GNAI3: variants seen among roughly 807,000 people sequenced by gnomAD.
GNAI3 encodes G protein subunit alpha i3.
A neutral mutation model predicts 41.8 loss-of-function variants in GNAI3; 12 were observed. The ratio of observed to expected loss-of-function variants is 0.29; its 90% CI spans 0.18 to 0.47. The LOEUF (loss-of-function observed/expected upper bound fraction) is 0.47, where lower values mean the gene tolerates loss of function less well. GNAI3 is among the 20% of genes least tolerant of loss of function. GNAI3 has a pLI of 1.00. For synonymous variants in GNAI3, 132 were observed against 146.5 expected (o/e 0.90, Z 0.71); for missense variants, 360 against 429.6 (o/e 0.84, Z 1.43).
chr1:109,576,684 A>C (rs967591588), intron 3 of GNAI3, among the ~76,000 whole-genome samples: 1 of 151,544 alleles, frequency 6.6e-6, no homozygotes, highest in Admixed American at 6.6e-5. Context: ...ATGCCCGCCT[A>C]ATTTTTTTGT....
At chr1:109,568,277 G>GT (rs1467216658) in intron 1 of GNAI3, among the ~76,000 whole-genome samples, 1 of 152,100 alleles carries the variant, frequency 6.6e-6, no homozygotes, top group Non-Finnish European at 1.5e-5. Context: ...GCTCGCCCCT[G>GT]TAATACCAGC....
At chr1:109,567,330 GAGA>G (rs1186848640) in intron 1 of GNAI3, among the ~76,000 whole-genome samples, 3 of 152,154 alleles carry the variant, frequency 2.0e-5, no homozygotes, top group African/African-American at 7.2e-5. Flanking sequence ...AAAGGAAGAG[GAGA>G]TGTTTCAGGT....
At chr1:109,580,329 G>A (rs1246562417) in intron 4 of GNAI3, among the ~76,000 whole-genome samples, 3 of 151,996 alleles carry the variant, frequency 2.0e-5, no homozygotes, top group East Asian at 1.9e-4. Context: ...GTACTTTTGC[G>A]GGGCCTGGTG....
At position 109,586,319 on chromosome 1, in the gene GNAI3, C is replaced by G; in HGVS notation, c.694C>G (p.Leu232Val). ...CTGTGTGGCCCTCAGTGATTATGAC[C>G]TTGTTCTGGCTGAGGACGAGGAGAT... ...IFCVALSDYD[L>V]VLAEDEEMNR... Residue 232 changes from leucine to valine, a missense_variant, in exon 6 of 9, where the codon CTT (leucine) becomes GTT (valine). Physicochemically the swap from Leu to Val is conservative, Grantham distance 32 (BLOSUM62 1). Coordinates refer to ENST00000369851, the MANE Select transcript of GNAI3 (RefSeq NM_006496.4). 6.2e-7 allele frequency: 1 copy of G among 1,612,622 alleles called. No homozygotes were observed.
chr1:109,584,609 C>T (rs968794177), intron 5 of GNAI3, among the ~76,000 whole-genome samples: 2 of 152,164 alleles, frequency 1.3e-5, no homozygotes, highest in African/African-American at 4.8e-5. Flanking sequence ...CTTCCTTTTC[C>T]TCTTCTCTCT....
intron 1 of GNAI3, among the ~76,000 whole-genome samples, chr1:109,553,458 A>G (rs1451112035): frequency 2.0e-5 from 3 of 152,260 alleles, no homozygotes; most frequent in Non-Finnish European, 2.9e-5. Flanking sequence ...ACAGTTAATT[A>G]TATTTAAATT....
intron 4 of GNAI3, among the ~76,000 whole-genome samples, chr1:109,581,058 T>C (rs1261651657): frequency 6.6e-6 from 1 of 152,210 alleles, no homozygotes; most frequent in Admixed American, 6.5e-5. Flanking sequence ...CTACATGTGC[T>C]TATAGAGATT....
chr1:109,567,739 TA>T (rs1288983046), intron 1 of GNAI3, among the ~76,000 whole-genome samples: 2 of 152,250 alleles, frequency 1.3e-5, no homozygotes, highest in Non-Finnish European at 2.9e-5. Flanking sequence ...TACTTGGTGA[TA>T]TTCTCAACAT....
At chr1:109,573,808 C>T (rs1226296480) in intron 2 of GNAI3, 29 bp downstream of exon 2, 1 of 1,600,198 alleles carries the variant, frequency 6.2e-7, no homozygotes, top group Admixed American at 1.7e-5. Flanking sequence ...TTTTGTTAGA[C>T]TAGGATTTCT....
Position 109,599,019 on chromosome 1 carries a change from C to G in GNAI3, c.*6697C>G, listed in dbSNP as rs1033566619. On this transcript the variant is annotated 3_prime_UTR_variant, in exon 9 of 9. Transcript: ENST00000369851. ...CCAAGTATAGAGTGGGTTTTGAATG[C>G]TGTTATGTCTCACCGTGGGGATGGG... 12 of 527,156 alleles carry G rather than the reference C, an allele frequency of 2.3e-5. 1 individual carries two copies. The highest frequency in any genetic ancestry group is 1.6e-4 in the Admixed American group (8 of 51,440). The allele number at this position is 527,156 out of a possible 1,614,324, so 32.7% of individuals were successfully genotyped here.
chr1:109,554,745 C>T (rs1451272703), intron 1 of GNAI3, among the ~76,000 whole-genome samples: 1 of 152,088 alleles, frequency 6.6e-6, no homozygotes. Flanking sequence ...TTTGTCTTTG[C>T]ATTTGCTTTT....
chr1:109,555,971 T>TGCGTGCGTGC (rs60956139), intron 1 of GNAI3, among the ~76,000 whole-genome samples: 1 of 127,526 alleles, frequency 7.8e-6, no homozygotes, highest in Admixed American at 7.8e-5. Context: ...TGCGTGTGTG[T>TGCGTGCGTGC]GTGTGTGTGT....
chr1:109,570,221 T>G (rs1468809572), intron 1 of GNAI3, among the ~76,000 whole-genome samples: 1 of 152,228 alleles, frequency 6.6e-6, no homozygotes, highest in African/African-American at 2.4e-5. Flanking sequence ...TAAGACAAGA[T>G]CATATATAAA....
intron 7 of GNAI3, among the ~76,000 whole-genome samples, chr1:109,590,403 C>T (rs72987042): frequency 0.07 from 10,612 of 152,160 alleles, 1,029 homozygotes; most frequent in African/African-American, 0.22. Context: ...CAGATTCTTA[C>T]GGTCCTTATT....
rs1425850900 is a variant in GNAI3 at position 109,596,288 on chromosome 1, TTA to T, written c.*3968_*3969del. ...CCTTTCCCCCCAGTTTTCTCAACAT[TTA>T]TGAGTTAGTTCTGCTGAGAACAACA... On this transcript the variant is annotated 3_prime_UTR_variant, in exon 9 of 9. Coordinates refer to ENST00000369851, the MANE Select transcript of GNAI3 (RefSeq NM_006496.4). 2 of 152,232 alleles carry T rather than the reference TTA, an allele frequency of 1.3e-5. No individual in the cohort carries two copies. The highest frequency in any genetic ancestry group is 4.8e-5 in the African/African-American group (2 of 41,442). The allele number at this position is 152,232 out of a possible 1,614,324, so 9.4% of individuals were successfully genotyped here.
intron 7 of GNAI3, among the ~76,000 whole-genome samples, chr1:109,588,899 A>G (rs116377258): frequency 0.025 from 3,828 of 152,236 alleles, 82 homozygotes; most frequent in Non-Finnish European, 0.031. Flanking sequence ...CAATCAATCA[A>G]TCAATCAATC....
chr1:109,583,276 C>G (rs1009459999), intron 5 of GNAI3, among the ~76,000 whole-genome samples: 11 of 152,110 alleles, frequency 7.2e-5, no homozygotes, highest in African/African-American at 2.7e-4. Flanking sequence ...GTAGTGTGAT[C>G]ACAGCCCACT....
intron 1 of GNAI3, among the ~76,000 whole-genome samples, chr1:109,569,831 G>A (rs534247550): frequency 1.2e-4 from 18 of 151,586 alleles, no homozygotes; most frequent in African/African-American, 3.9e-4. Flanking sequence ...TTTAATCAGC[G>A]CATCCATAGG....
At chr1:109,576,428 T>C (rs528610552) in intron 3 of GNAI3, among the ~76,000 whole-genome samples, 1 of 151,984 alleles carries the variant, frequency 6.6e-6, no homozygotes, top group South Asian at 2.1e-4. Flanking sequence ...TAGAGCTGAG[T>C]GTGGAATAGG....
Sources: allele counts gnomAD v4.1 joint callset (sites outside exome capture counted in the v4.1 genomes callset), GRCh38; gene constraint gnomAD v4.1.1; transcripts MANE v1.5; gene names NCBI Gene and HGNC (gene_info 2026-07-23, HGNC 2026-07-21).